The following SORBS3 variants were observed in gnomAD, a reference collection of about 807,000 sequenced individuals.
SORBS3 encodes the protein sorbin and SH3 domain containing 3.
In SORBS3, 69 loss-of-function variants were observed where a neutral mutation model predicts 98.0. The ratio of observed to expected loss-of-function variants is 0.70; its 90% confidence interval spans 0.58 to 0.86. The LOEUF is 0.86. Ranked by LOEUF, SORBS3 falls within the 40% of genes least tolerant of loss-of-function variation. The pLI, the probability that SORBS3 is intolerant of heterozygous loss-of-function variation, is 0.00. For synonymous variants in SORBS3, 394 were observed against 355.4 expected, an observed-to-expected ratio of 1.11 and a Z score of -1.22; for missense variants, 954 against 908.5, an observed-to-expected ratio of 1.05 and a Z score of -0.64.
chr8:22,561,877 T>A lies in SORBS3; in HGVS notation c.530T>A (p.Leu177Gln), dbSNP rs1200795769. 1 of 1,614,008 alleles carries A rather than the reference T, an allele frequency of 6.2e-7. No homozygotes were observed. Among genetic ancestry groups the A allele is most frequent in the Non-Finnish European group, 8.5e-7 (1 of 1,180,010 alleles). The change falls in exon 7 of 21, where the codon CTA (leucine) becomes CAA (glutamine). Residue 177 changes from leucine to glutamine, a missense_variant. Transcript: ENST00000240123. ...FEEPPRDPRH[L>Q]GAQQRPAHRP... ...ACCTCCTCTGCAGACCCCAGGCATC[T>A]AGGAGCCCAGCAAAGACCTGCCCAC... is the stretch of plus-strand genomic sequence containing the variant.
intron 1 of SORBS3, among the ~76,000 whole-genome samples, chr8:22,546,441 AC>A (rs1840016733): frequency 6.6e-6 from 1 of 151,846 alleles, no homozygotes; most frequent in Non-Finnish European, 1.5e-5. Flanking sequence ...AATAAAAAGG[AC>A]CTCTCTCTTT....
intron 17 of SORBS3, among the ~76,000 whole-genome samples, chr8:22,569,646 C>G (rs1460903732): frequency 6.6e-6 from 1 of 152,166 alleles, no homozygotes; most frequent in East Asian, 1.9e-4. Flanking sequence ...CCTAAAAACA[C>G]TTCTTTAAAA....
chr8:22,558,309 C>A, intron 5 of SORBS3, 117 bp downstream of exon 5: 1 of 955,244 alleles, frequency 1.0e-6, no homozygotes, highest in Non-Finnish European at 1.7e-6. Context: ...TCCACCTTCT[C>A]CCAGGCTCTA....
intron 16 of SORBS3, among the ~76,000 whole-genome samples, chr8:22,568,676 C>T (rs1840487160): frequency 1.3e-5 from 2 of 151,986 alleles, no homozygotes; most frequent in South Asian, 4.2e-4. Flanking sequence ...GCAAAGAGAA[C>T]GTGAGGATTC....
At position 22,546,143 on chromosome 8, in the gene SORBS3, C is replaced by T. The variant is rs2170512; in HGVS notation, n.144+1014C>T. 9.6e-3 allele frequency among the ~76,000 whole-genome samples: 1,465 copies of T among 151,990 alleles called. 30 individuals carry two copies. Among genetic ancestry groups the T allele is most frequent in the East Asian group, 0.084 (433 of 5,174 alleles). ...GGCGAGGGAAATGTTACTTATTGGC[C>T]GAAATCATCTAATGTCTTTTTTGTG... On this transcript the variant is annotated intron_variant and non_coding_transcript_variant, in intron 1 of 4. Coordinates refer to the SORBS3 transcript ENST00000522037.
intron 20 of SORBS3, among the ~76,000 whole-genome samples, chr8:22,572,870 C>T (rs1168574974): frequency 1.3e-5 from 2 of 152,218 alleles, no homozygotes; most frequent in Non-Finnish European, 2.9e-5. Context: ...AGGTCCCAGC[C>T]CCTCAGGGCT....
chr8:22,565,138 C>T (rs1391084482), intron 10 of SORBS3, 130 bp from the exon 11 acceptor site: 1 of 1,472,780 alleles, frequency 6.8e-7, no homozygotes, highest in East Asian at 2.6e-5. Context: ...AGGAGCCCGG[C>T]CCGTGCGCTG....
rs200933799 is a variant in SORBS3, at chr8:22,552,659, C to A, written c.-56+637C>A. Among the ~76,000 whole-genome samples, 28 of 152,276 alleles carry A rather than the reference C, an allele frequency of 1.8e-4. No homozygotes were observed. In the East Asian group the frequency reaches 5.0e-3, roughly 27 times the overall value. On this transcript the variant is annotated intron_variant, in intron 1 of 20. Transcript: ENST00000240123. ...CAGTTCTCACCGAGCACGAGGTGGGCGGGGAGGTCAGGGAAGGAAGGCGCT... is the reference window on the plus strand; with the variant it reads ...CAGTTCTCACCGAGCACGAGGTGGGAGGGGAGGTCAGGGAAGGAAGGCGCT...
At position 22,564,021 on chromosome 8, in the gene SORBS3, A is replaced by T. The variant is rs377255325; in HGVS notation, c.619A>T (p.Ser207Cys). 1 of 1,614,026 alleles carries T rather than the reference A, an allele frequency of 6.2e-7. No homozygotes were observed. Among genetic ancestry groups the T allele is most frequent in the Admixed American group, 1.7e-5 (1 of 60,026 alleles). ...SWDHSEELPR[S>C]TFNYRPGAFS... The stretch of plus-strand genomic sequence containing the variant: ...GGACCACTCTGAAGAGTTACCTAGA[A>T]GCACCTTCAACTACAGACCTGGAGC... The change falls in exon 8 of 21, where the codon AGC (serine) becomes TGC (cysteine). Residue 207 changes from serine (S) to cysteine (C), a missense_variant. By Grantham distance (112) the Ser-to-Cys change is moderately radical. Coordinates refer to ENST00000240123, the MANE Select transcript of SORBS3 (RefSeq NM_005775.5).
chr8:22,556,394 C>A (rs1840183315), intron 3 of SORBS3, among the ~76,000 whole-genome samples: 1 of 152,210 alleles, frequency 6.6e-6, no homozygotes, highest in Non-Finnish European at 1.5e-5. Context: ...AGCCCAGCAT[C>A]TTTACTGCCA....
intron 7 of SORBS3, 119 bp from the exon 8 acceptor site, chr8:22,563,868 C>G (rs1586898230): frequency 2.4e-5 from 17 of 719,870 alleles, no homozygotes; most frequent in Admixed American, 1.3e-4. Context: ...AACGGCAGGG[C>G]AGTCAGAGGC....
At chr8:22,561,075 CAG>C (rs1363361475) in intron 5 of SORBS3, 3 of 435,386 alleles carry the variant, frequency 6.9e-6, no homozygotes, top group South Asian at 5.2e-5. Context: ...TGTGTGGGAA[CAG>C]GGAGGGAGGA....
chr8:22,565,470 G>GC, intron 11 of SORBS3, 116 bp downstream of exon 11: 1 of 826,224 alleles, frequency 1.2e-6, no homozygotes, highest in Non-Finnish European at 1.7e-6. Context: ...CCGGCCTCCA[G>GC]CGGCGCGCAC....
At chr8:22,562,839 G>GTATTAT (rs1840323291) in intron 7 of SORBS3, among the ~76,000 whole-genome samples, 1 of 152,256 alleles carries the variant, frequency 6.6e-6, no homozygotes, top group South Asian at 2.1e-4. Flanking sequence ...TTACAAGGCT[G>GTATTAT]GGTGTGGTGG....
chr8:22,574,791 G>A lies in SORBS3; in HGVS notation c.*63G>A, dbSNP rs774764584. On this transcript the variant is annotated 3_prime_UTR_variant, in exon 21 of 21. Transcript: ENST00000240123. ...GTGGGGAGCGGTGGCACTCGTGGGA[G>A]GGAGAGGACCCCCGCCCACATCCTC... 46 of 1,499,542 alleles carry A rather than the reference G, an allele frequency of 3.1e-5. No homozygotes were observed. The highest frequency in any genetic ancestry group is 4.2e-5 in the Non-Finnish European group (45 of 1,076,494). The allele number at this position is 1,499,542 out of a possible 1,614,324, so 92.9% of individuals were successfully genotyped here.
intron 16 of SORBS3, 43 bp downstream of exon 16, chr8:22,567,218 G>T: frequency 8.0e-7 from 1 of 1,257,802 alleles, no homozygotes. Flanking sequence ...GGCTGGGAGG[G>T]CGCAGGGGTT....
intron 12 of SORBS3, 179 bp downstream of exon 12, chr8:22,566,051 C>T (rs1840408731): frequency 3.6e-6 from 2 of 554,436 alleles, no homozygotes; most frequent in East Asian, 7.2e-5. Flanking sequence ...CGTTCCCGCG[C>T]CACCGAGGGC....
intron 11 of SORBS3, 147 bp downstream of exon 11, chr8:22,565,501 C>A: frequency 3.2e-6 from 2 of 629,840 alleles, no homozygotes; most frequent in Non-Finnish European, 4.7e-6. Context: ...CCCTCCTGGG[C>A]GCTGGCGGGC....
Position 22,554,207 on chromosome 8 carries a change from C to T in SORBS3, c.-55-245C>T. The T allele has an allele frequency of 3.7e-6, 1 of 269,388 alleles. No individual in the cohort carries two copies. Among genetic ancestry groups the T allele is most frequent in the Non-Finnish European group, 7.1e-6 (1 of 141,230 alleles). The allele number at this position is 269,388 out of a possible 1,614,324, so 16.7% of individuals were successfully genotyped here. A position where few individuals can be genotyped will look rare whatever the true frequency, so the allele number is the denominator to read the frequency against. On this transcript the variant is annotated intron_variant, in intron 1 of 20. Coordinates refer to ENST00000240123, the MANE Select transcript of SORBS3 (RefSeq NM_005775.5). The surrounding 1 kb of genome is among the most constrained non-coding windows in gnomAD (Gnocchi z 6.5). ...CCTCACCCAAGCTCCCCCTCCCCCA[C>T]TCCCACCCGGAGCTCCTGCCCTGGG...
Sources: gnomAD v4.1 joint callset for allele counts (sites outside exome capture counted in the v4.1 genomes callset) on GRCh38, gnomAD v4.1.1 for gene constraint, Gnocchi (gnomAD v3.1) non-coding constraint, MANE v1.5 for transcripts, NCBI Gene and HGNC (gene_info 2026-07-23, HGNC 2026-07-21) for gene names.